Variants in ABLIM1 observed in about 807,000 individuals in gnomAD.
ABLIM1 encodes actin-binding LIM protein 1.
Under a neutral mutation model 107.0 loss-of-function variants are expected in ABLIM1, and 40 were observed. The observed-to-expected ratio is 0.37, with a 90% CI of 0.29 to 0.49. ABLIM1 has a LOEUF of 0.49. ABLIM1 is among the 20% of genes least tolerant of loss of function. The probability of loss-of-function intolerance (pLI) is 0.97; values close to 1 mark genes in which losing one functional copy is unlikely to be tolerated. For missense variants in ABLIM1, 857 were observed against 1,008.5 expected, an observed-to-expected ratio of 0.85 and a Z score of 2.04; for synonymous variants, 357 against 357.3, an observed-to-expected ratio of 1.00 and a Z score of 0.01.
chr10:114,642,625 A>G (rs535529358), intron 1 of ABLIM1, among the ~76,000 whole-genome samples: 1 of 152,220 alleles, frequency 6.6e-6, no homozygotes, highest in South Asian at 2.1e-4. Context: ...AGATGTATTC[A>G]AAGATTAAAT....
chr10:114,592,279 C>T (rs1006200423), intron 2 of ABLIM1, among the ~76,000 whole-genome samples: 4 of 152,152 alleles, frequency 2.6e-5, no homozygotes, highest in Non-Finnish European at 4.4e-5. Context: ...GCACCAAGCA[C>T]ACATATCCAA....
intron 8 of ABLIM1, among the ~76,000 whole-genome samples, chr10:114,478,886 T>C (rs956089640): frequency 9.9e-5 from 15 of 152,224 alleles, no homozygotes; most frequent in African/African-American, 3.6e-4. Context: ...GTTGCATTCT[T>C]GCTTGCTTAT....
intron 1 of ABLIM1, chr10:114,690,782 A>G: frequency 3.7e-6 from 1 of 272,682 alleles, no homozygotes; most frequent in Non-Finnish European, 6.9e-6. Flanking sequence ...CCCAGGTTCA[A>G]GTGATTCTCC....
At chr10:114,448,771 G>A (rs1223956263) in intron 14 of ABLIM1, among the ~76,000 whole-genome samples, 1 of 152,090 alleles carries the variant, frequency 6.6e-6, no homozygotes, top group Non-Finnish European at 1.5e-5. Context: ...GCACCACCAT[G>A]CCCAGCTGAT....
intron 1 of ABLIM1, among the ~76,000 whole-genome samples, chr10:114,767,299 T>C (rs962623250): frequency 5.3e-5 from 8 of 152,186 alleles, no homozygotes; most frequent in African/African-American, 1.9e-4. Flanking sequence ...AAATAATCAA[T>C]ATTTTCTTTA....
chr10:114,694,010 T>C (rs2081144026), intron 1 of ABLIM1, among the ~76,000 whole-genome samples: 2 of 152,228 alleles, frequency 1.3e-5, no homozygotes, highest in East Asian at 1.9e-4. Context: ...ACAGGCAGAA[T>C]AGTAGCAAAA....
At chr10:114,618,628 C>CT (rs1390223399) in intron 1 of ABLIM1, among the ~76,000 whole-genome samples, 1 of 152,212 alleles carries the variant, frequency 6.6e-6, no homozygotes, top group Non-Finnish European at 1.5e-5. Context: ...CCAGAGGGTG[C>CT]TGCCCCCAAC....
chr10:114,434,793 T>A lies in ABLIM1; in HGVS notation c.*1467A>T, dbSNP rs530586164. 1 of 152,234 alleles carries A rather than the reference T, an allele frequency of 6.6e-6. No individual in the cohort carries two copies. Among genetic ancestry groups the A allele is most frequent in the South Asian group, 2.1e-4 (1 of 4,812 alleles). The allele number at this position is 152,234 out of a possible 1,614,324, so 9.4% of individuals were successfully genotyped here. A position where few individuals can be genotyped will look rare whatever the true frequency, so the allele number is the denominator to read the frequency against. On this transcript the variant is annotated 3_prime_UTR_variant, in exon 23 of 23. Coordinates refer to ENST00000533213, the MANE Select transcript of ABLIM1 (RefSeq NM_002313.7). ...TGTTGGGGAAACCCTAGGCTCATATTCGAATCTAGTGTTGCAGAGCCTGAG... is the reference window on the plus strand; with the variant it reads ...TGTTGGGGAAACCCTAGGCTCATATACGAATCTAGTGTTGCAGAGCCTGAG...
At chr10:114,554,257 G>A (rs1405000149) in intron 4 of ABLIM1, among the ~76,000 whole-genome samples, 1 of 152,166 alleles carries the variant, frequency 6.6e-6, no homozygotes, top group Non-Finnish European at 1.5e-5. Flanking sequence ...AAGGAGATAA[G>A]AAAGACCAGC....
rs572459652 is a variant in ABLIM1 at position 114,468,335 on chromosome 10, C to T, written c.1276-119G>A. On this transcript the variant is annotated intron_variant, in intron 10 of 22. Coordinates refer to ENST00000533213, the MANE Select transcript of ABLIM1 (RefSeq NM_002313.7). ...TGTCGCCCAGGCTGGAGTGCAGTGG[C>T]GCAATCTCGGTTTACTGCAATCTCC... is the stretch of plus-strand genomic sequence containing the variant. 5.4e-4 allele frequency: 509 copies of T among 939,240 alleles called. 5 individuals are homozygous for T. The highest frequency in any genetic ancestry group is 5.1e-3 in the South Asian group (374 of 72,946). The allele number at this position is 939,240 out of a possible 1,614,324, so 58.2% of individuals were successfully genotyped here.
intron 1 of ABLIM1, among the ~76,000 whole-genome samples, chr10:114,671,175 G>T (rs920720175): frequency 5.9e-5 from 9 of 152,204 alleles, no homozygotes; most frequent in Non-Finnish European, 1.3e-4. Context: ...CTTCATGCAT[G>T]ATTCATGTGA....
At chr10:114,484,283 G>T (rs73353710) in intron 8 of ABLIM1, among the ~76,000 whole-genome samples, 1 of 152,066 alleles carries the variant, frequency 6.6e-6, no homozygotes, top group Non-Finnish European at 1.5e-5. Context: ...TAGCTACCTC[G>T]CAGGAATTCT....
intron 1 of ABLIM1, among the ~76,000 whole-genome samples, chr10:114,745,027 C>T (rs808325): frequency 0.36 from 54,369 of 151,906 alleles, 11,231 homozygotes; most frequent in Non-Finnish European, 0.47. Context: ...CCACAACCCC[C>T]GCTTCCCTCT....
the ABLIM1 span, among the ~76,000 whole-genome samples, chr10:114,789,049 G>A: frequency 2.0e-5 from 3 of 152,094 alleles, no homozygotes; most frequent in Admixed American, 6.5e-5. Context: ...GAGGTCAGGA[G>A]CTCAAAACCA....
chr10:114,529,715 A>G (rs1250550669), intron 6 of ABLIM1, among the ~76,000 whole-genome samples: 1 of 152,142 alleles, frequency 6.6e-6, no homozygotes, highest in African/African-American at 2.4e-5. Flanking sequence ...ATTTGGGGAA[A>G]GAACGTGAAG....
chr10:114,630,742 G>A (rs550297959), intron 1 of ABLIM1, among the ~76,000 whole-genome samples: 20 of 152,256 alleles, frequency 1.3e-4, no homozygotes, highest in African/African-American at 3.9e-4. Context: ...GTTCAAGAAC[G>A]CCCTGAAAGA....
chr10:114,555,941 C>T (rs1288764299), intron 4 of ABLIM1, among the ~76,000 whole-genome samples: 2 of 151,624 alleles, frequency 1.3e-5, no homozygotes, highest in Non-Finnish European at 2.9e-5. Context: ...TAAATAGAAA[C>T]AAAATCATTT....
chr10:114,682,452 T>C (rs1201140902), intron 1 of ABLIM1, among the ~76,000 whole-genome samples: 1 of 152,206 alleles, frequency 6.6e-6, no homozygotes, highest in Non-Finnish European at 1.5e-5. Context: ...GTCAGACTTA[T>C]TTATTACATA....
intron 2 of ABLIM1, among the ~76,000 whole-genome samples, chr10:114,594,824 G>A (rs187407800): frequency 8.3e-4 from 126 of 152,176 alleles, no homozygotes; most frequent in Non-Finnish European, 8.8e-5. Context: ...TCATTCATTC[G>A]TTCACCTTAT....
Sources: allele counts gnomAD v4.1 joint callset (sites outside exome capture counted in the v4.1 genomes callset), GRCh38; gene constraint gnomAD v4.1.1; transcripts MANE v1.5; gene names NCBI Gene and HGNC (gene_info 2026-07-23, HGNC 2026-07-21).